PTPRE: variants seen among roughly 807,000 people sequenced by gnomAD.
PTPRE encodes the protein protein tyrosine phosphatase receptor type E, also known as receptor-type tyrosine-protein phosphatase epsilon.
PTPRE carries 51 observed loss-of-function variants against 102.0 expected under a neutral mutation model. That is an observed-to-expected ratio of 0.50 (90% CI 0.40 to 0.63). The LOEUF (loss-of-function observed/expected upper bound fraction) is 0.63, where lower values mean the gene tolerates loss of function less well. PTPRE is among the 30% of genes least tolerant of loss of function. PTPRE has a pLI of 0.00. For missense variants in PTPRE, 752 were observed against 915.1 expected, an observed-to-expected ratio of 0.82 and a Z score of 2.30; for synonymous variants, 345 against 348.2, an observed-to-expected ratio of 0.99 and a Z score of 0.10.
chr10:128,022,354 T>C (rs1323904550), intron 2 of PTPRE, among the ~76,000 whole-genome samples: 1 of 152,222 alleles, frequency 6.6e-6, no homozygotes, highest in Non-Finnish European at 1.5e-5. Flanking sequence ...AAGTGGGAGC[T>C]GTGCTTCTCA....
intron 20 of PTPRE, 92 bp from the exon 21 acceptor site, chr10:128,082,740 C>T: frequency 7.1e-7 from 1 of 1,399,524 alleles, no homozygotes; most frequent in Non-Finnish European, 9.5e-7. Context: ...AATAGTCACA[C>T]TTATTTATGT....
chr10:128,030,301 T>C (rs1564902401), intron 2 of PTPRE, among the ~76,000 whole-genome samples: 2 of 152,222 alleles, frequency 1.3e-5, no homozygotes, highest in Non-Finnish European at 2.9e-5. Context: ...CACTCATTTA[T>C]GATTTCGTGG....
At chr10:128,046,427 G>A (rs953288429) in intron 3 of PTPRE, among the ~76,000 whole-genome samples, 1 of 152,184 alleles carries the variant, frequency 6.6e-6, no homozygotes, top group Non-Finnish European at 1.5e-5. Flanking sequence ...CGTTGCCTTC[G>A]AGGGGCTTCC....
intron 1 of PTPRE, among the ~76,000 whole-genome samples, chr10:127,926,937 A>G (rs1000112115): frequency 6.7e-6 from 1 of 148,270 alleles, no homozygotes; most frequent in Admixed American, 6.9e-5. Flanking sequence ...TCAGCCTCCC[A>G]AGTAGCTGGG....
chr10:127,971,798 T>A (rs972084024), intron 1 of PTPRE, among the ~76,000 whole-genome samples: 1 of 152,222 alleles, frequency 6.6e-6, no homozygotes, highest in Non-Finnish European at 1.5e-5. Flanking sequence ...GGTGGCTCCC[T>A]CAGGCCGGTC....
At position 128,008,141 on chromosome 10, in the gene PTPRE, G is replaced by T. The variant is rs1161981216; in HGVS notation, c.-8+25845G>T. On this transcript the variant is annotated intron_variant, in intron 2 of 20. Coordinates refer to ENST00000254667, the MANE Select transcript of PTPRE (RefSeq NM_006504.6). This position sits in a 1 kb window ranked among gnomAD's most constrained non-coding sequence, Gnocchi z 4.0. Reference sequence around the variant, plus strand: ...CTGTCTGCAGAGTCCCCTGCCCAGGGTACATGCCCCTGGGAAAACTGCCCA... The same window carrying T: ...CTGTCTGCAGAGTCCCCTGCCCAGGTTACATGCCCCTGGGAAAACTGCCCA... Among the ~76,000 whole-genome samples, 1 of 152,150 alleles carries T rather than the reference G, an allele frequency of 6.6e-6. No individual in the cohort carries two copies. Among genetic ancestry groups the T allele is most frequent in the Non-Finnish European group, 1.5e-5 (1 of 68,006 alleles).
Position 128,073,484 on chromosome 10 carries a change from G to A in PTPRE, c.1599+13G>A, listed in dbSNP as rs78196136. The A allele has an allele frequency of 0.081, 129,684 of 1,607,452 alleles. 5,945 individuals are homozygous for A. The highest frequency in any genetic ancestry group is 0.094 in the Non-Finnish European group (110,788 of 1,178,236). ...GGAGAGAGAGCAGGTGAGGAGTGCC[G>A]CCCAGCCCGGTCCCTCCAGGGCAGC... On this transcript the variant is annotated intron_variant, in intron 17 of 20. Coordinates refer to ENST00000254667, the MANE Select transcript of PTPRE (RefSeq NM_006504.6).
chr10:127,950,197 G>A (rs1268386814), intron 1 of PTPRE, among the ~76,000 whole-genome samples: 1 of 152,020 alleles, frequency 6.6e-6, no homozygotes, highest in Non-Finnish European at 1.5e-5. Context: ...GTGTGGGAGT[G>A]GATATTAAGG....
rs569651279 is a variant in PTPRE, at chr10:127,959,600, A to C, written c.-30-22674A>C. Among the ~76,000 whole-genome samples, 44 of 152,348 alleles carry C rather than the reference A, an allele frequency of 2.9e-4. 1 individual carries two copies. Among genetic ancestry groups the C allele is most frequent in the African/African-American group, 1.0e-3 (42 of 41,582 alleles). On this transcript the variant is annotated intron_variant, in intron 1 of 20. Transcript: ENST00000254667. Reference sequence around the variant, plus strand: ...AGAAAGTGATTGCCAGGCAAATTTAAAGCAGAAGTCCATTGTGGGGAAGAT... The same window carrying C: ...AGAAAGTGATTGCCAGGCAAATTTACAGCAGAAGTCCATTGTGGGGAAGAT...
intron 10 of PTPRE, 107 bp downstream of exon 10, chr10:128,063,287 T>C (rs960198705): frequency 2.0e-6 from 3 of 1,505,368 alleles, no homozygotes; most frequent in Non-Finnish European, 8.9e-7. Flanking sequence ...TTCCTCCCAC[T>C]ATCACTGCAG....
intron 1 of PTPRE, chr10:127,934,768 G>A (rs933058908): frequency 1.3e-5 from 2 of 152,346 alleles, no homozygotes; most frequent in African/African-American, 4.8e-5. Context: ...CTACACCTGG[G>A]AGGTGGTCAG....
At chr10:127,962,613 T>C (rs751767453) in intron 1 of PTPRE, among the ~76,000 whole-genome samples, 10 of 152,162 alleles carry the variant, frequency 6.6e-5, no homozygotes, top group Non-Finnish European at 1.3e-4. Flanking sequence ...CACAGAGGCC[T>C]CAATGAAGCC....
intron 1 of PTPRE, among the ~76,000 whole-genome samples, chr10:127,946,761 C>T (rs373284002): frequency 2.6e-5 from 4 of 152,280 alleles, no homozygotes; most frequent in South Asian, 2.1e-4. Context: ...TCACAGGACA[C>T]GGCAGCTCGT....
rs888153399 is a variant in PTPRE at position 128,070,085 on chromosome 10, T to C, written c.1144-216T>C. On this transcript the variant is annotated intron_variant, in intron 13 of 20. Transcript: ENST00000254667. This position sits in a 1 kb window ranked among gnomAD's most constrained non-coding sequence, Gnocchi z 4.8. ...CGGTGCATGTACACAGTGCGTGGCG[T>C]GCTCACCAATGTGAGGCTCTGCTGC... is the stretch of plus-strand genomic sequence containing the variant. The C allele has an allele frequency of 1.5e-6, 1 of 685,100 alleles. No individual in the cohort carries two copies. The highest frequency in any genetic ancestry group is 1.8e-5 in the African/African-American group (1 of 55,366). 42.4% of individuals were successfully genotyped at this position (685,100 alleles called of 1,614,324 possible).
At chr10:128,040,829 C>G (rs1165866073) in intron 2 of PTPRE, 46 bp from the exon 3 acceptor site, 6 of 1,508,838 alleles carry the variant, frequency 4.0e-6, no homozygotes, top group Non-Finnish European at 5.5e-6. Flanking sequence ...GAGGGTCCCA[C>G]AGCTGCTGCT....
At position 128,041,209 on chromosome 10, in the gene PTPRE, C is replaced by CTACA. The variant is rs144044242; in HGVS notation, c.109+220_109+223dup. Among the ~76,000 whole-genome samples the CTACA allele has an allele frequency of 8.0e-3, 1,225 of 152,286 alleles. 22 individuals are homozygous for CTACA. The highest frequency in any genetic ancestry group is 0.027 in the African/African-American group (1,129 of 41,554). On this transcript the variant is annotated intron_variant, in intron 3 of 20. Coordinates refer to ENST00000254667, the MANE Select transcript of PTPRE (RefSeq NM_006504.6). The stretch of plus-strand genomic sequence containing the variant: ...GCTTAGTGTTCTGGAGGTGACCCAT[C>CTACA]TACAACCCCAGCTGAGAGTCAGGGT...
At position 128,066,131 on chromosome 10, in the gene PTPRE, G is replaced by A. The variant is rs774547181; in HGVS notation, c.780G>A (p.Arg260=). ...DQGCWTYGNI[R]VCVEDCVVLV... is the part of the protein sequence containing the mutation. ...GCTGCTGGACCTATGGAAACATCCG[G>A]GTGTGCGTGGAGGACTGCGTGGTTT... The change falls in exon 11 of 21, where the codon CGG becomes CGA. Residue 260 remains arginine (R), a synonymous_variant. Coordinates refer to ENST00000254667, the MANE Select transcript of PTPRE (RefSeq NM_006504.6). The A allele has an allele frequency of 6.2e-7, 1 of 1,614,202 alleles. No homozygotes were observed. The highest frequency in any genetic ancestry group is 1.7e-5 in the Admixed American group (1 of 60,022).
intron 6 of PTPRE, among the ~76,000 whole-genome samples, chr10:128,052,801 CAACA>C (rs1848655607): frequency 6.6e-6 from 1 of 152,330 alleles, no homozygotes; most frequent in South Asian, 2.1e-4. Context: ...GCTTCCAGCA[CAACA>C]AACAAACCAG....
chr10:128,059,643 T>G (rs949603638), intron 7 of PTPRE, among the ~76,000 whole-genome samples: 3 of 152,098 alleles, frequency 2.0e-5, no homozygotes, highest in Admixed American at 6.6e-5. Flanking sequence ...ATAAACGTCC[T>G]CAGAACCAGC....
Sources: gnomAD v4.1 joint callset for allele counts (sites outside exome capture counted in the v4.1 genomes callset) on GRCh38, gnomAD v4.1.1 for gene constraint, Gnocchi (gnomAD v3.1) non-coding constraint, MANE v1.5 for transcripts, NCBI Gene and HGNC (gene_info 2026-07-23, HGNC 2026-07-21) for gene names.